ESRRG: variants seen among roughly 807,000 people sequenced by gnomAD.
The protein encoded by ESRRG is estrogen-related receptor gamma.
A neutral mutation model predicts 44.0 loss-of-function variants in ESRRG; 13 were observed. That is an observed-to-expected ratio of 0.30 (90% confidence interval 0.19 to 0.47). ESRRG has a LOEUF of 0.47. ESRRG is among the 20% of genes least tolerant of loss of function. ESRRG has a pLI of 1.00. For synonymous variants in ESRRG, 215 were observed against 214.6 expected (o/e 1.00, Z -0.02); for missense variants, 395 against 580.6 (o/e 0.68, Z 3.29).
chr1:216,920,997 C>T (rs2061769825), intron 2 of ESRRG, among the ~76,000 whole-genome samples: 1 of 152,298 alleles, frequency 6.6e-6, no homozygotes, highest in East Asian at 1.9e-4. Flanking sequence ...TGACCTCAAG[C>T]AGTTTTACCC....
intron 2 of ESRRG, among the ~76,000 whole-genome samples, chr1:216,779,808 G>A (rs2093857095): frequency 6.6e-6 from 1 of 151,256 alleles, no homozygotes; most frequent in South Asian, 2.1e-4. Context: ...TAAAAGGTTA[G>A]GATTTGGTAT....
chr1:216,696,979 T>A (rs1313015332), intron 1 of ESRRG, among the ~76,000 whole-genome samples: 1 of 152,078 alleles, frequency 6.6e-6, no homozygotes, highest in African/African-American at 2.4e-5. Flanking sequence ...TCTTTTTTTT[T>A]TTTTGAGACA....
chr1:216,510,163 C>T (rs757474973), intron 6 of ESRRG, among the ~76,000 whole-genome samples: 1 of 152,018 alleles, frequency 6.6e-6, no homozygotes, highest in Admixed American at 6.5e-5. Flanking sequence ...GATACTGGGC[C>T]CAAGTCTAGA....
At chr1:217,100,263 G>A (rs1015865319) in intron 1 of ESRRG, among the ~76,000 whole-genome samples, 4 of 152,128 alleles carry the variant, frequency 2.6e-5, no homozygotes, top group African/African-American at 9.7e-5. Flanking sequence ...TCATTCCCAA[G>A]CCAACTTGGG....
chr1:216,681,445 C>G (rs571423297), intron 1 of ESRRG, among the ~76,000 whole-genome samples: 3 of 152,150 alleles, frequency 2.0e-5, no homozygotes, highest in South Asian at 4.2e-4. Flanking sequence ...CCTCCCTGCT[C>G]CCCCCACCCG....
intron 1 of ESRRG, among the ~76,000 whole-genome samples, chr1:217,043,215 T>C (rs1470822601): frequency 4.6e-5 from 7 of 152,112 alleles, no homozygotes; most frequent in Non-Finnish European, 1.0e-4. Context: ...TGTAGGGCTA[T>C]CACACCACAT....
chr1:216,514,447 T>A (rs1452018106), intron 6 of ESRRG, among the ~76,000 whole-genome samples: 1 of 152,200 alleles, frequency 6.6e-6, no homozygotes, highest in Non-Finnish European at 1.5e-5. Flanking sequence ...TAAAATGTTA[T>A]AATTTCTTGG....
chr1:217,075,903 C>T (rs752912572), intron 1 of ESRRG, among the ~76,000 whole-genome samples: 1 of 152,140 alleles, frequency 6.6e-6, no homozygotes, highest in African/African-American at 2.4e-5. Flanking sequence ...TTATAACCCT[C>T]ATGCTTTTTC....
intron 2 of ESRRG, among the ~76,000 whole-genome samples, chr1:216,904,655 C>T (rs1375278706): frequency 1.3e-5 from 2 of 152,228 alleles, no homozygotes; most frequent in East Asian, 1.9e-4. Flanking sequence ...AGATGTTCAA[C>T]GAGAAGCCTG....
intron 1 of ESRRG, among the ~76,000 whole-genome samples, chr1:216,963,397 C>A (rs1039324933): frequency 1.3e-4 from 20 of 152,056 alleles, no homozygotes; most frequent in Admixed American, 1.0e-3. Flanking sequence ...TTTGGTGCCA[C>A]CCGGGATAAA....
intron 3 of ESRRG, among the ~76,000 whole-genome samples, chr1:216,644,726 T>G (rs2067183381): frequency 6.6e-6 from 1 of 152,140 alleles, no homozygotes; most frequent in South Asian, 2.1e-4. Flanking sequence ...CATGAGCCAC[T>G]GCGCCTGGCT....
intron 2 of ESRRG, among the ~76,000 whole-genome samples, chr1:216,894,692 C>T (rs746719324): frequency 1.5e-4 from 23 of 152,026 alleles, no homozygotes; most frequent in South Asian, 1.3e-3. Context: ...AGGAAGAGAG[C>T]GATTACTTGC....
chr1:216,946,384 A>G (rs1299798663), intron 1 of ESRRG, among the ~76,000 whole-genome samples: 1 of 152,160 alleles, frequency 6.6e-6, no homozygotes, highest in Non-Finnish European at 1.5e-5. Context: ...AAACCCACAC[A>G]CAACAAAATA....
chr1:216,812,562 G>A (rs2095008675), intron 2 of ESRRG, among the ~76,000 whole-genome samples: 1 of 151,918 alleles, frequency 6.6e-6, no homozygotes, highest in Admixed American at 6.6e-5. Flanking sequence ...GTTTGTTTTT[G>A]GCATTCTTCA....
intron 1 of ESRRG, among the ~76,000 whole-genome samples, chr1:216,947,649 T>A (rs1444183897): frequency 6.6e-6 from 1 of 152,206 alleles, no homozygotes; most frequent in Non-Finnish European, 1.5e-5. Flanking sequence ...AGAGCCAGTT[T>A]ACCAGCACAT....
chr1:217,101,503 C>T (rs374864065), intron 1 of ESRRG, among the ~76,000 whole-genome samples: 2 of 152,186 alleles, frequency 1.3e-5, no homozygotes, highest in East Asian at 1.9e-4. Flanking sequence ...ATCAGCATTT[C>T]AAACTGATAA....
intron 1 of ESRRG, among the ~76,000 whole-genome samples, chr1:216,996,663 T>C (rs12091345): frequency 6.6e-6 from 1 of 152,178 alleles, no homozygotes; most frequent in Non-Finnish European, 1.5e-5. Context: ...GTATGCATTA[T>C]ACTCAAAAAG....
At chr1:217,031,276 A>C (rs1327752866) in intron 1 of ESRRG, among the ~76,000 whole-genome samples, 1 of 152,226 alleles carries the variant, frequency 6.6e-6, no homozygotes, top group African/African-American at 2.4e-5. Context: ...GTACTACAGT[A>C]ATACCCAAGT....
chr1:217,003,837 A>G (rs1430224371), intron 1 of ESRRG, among the ~76,000 whole-genome samples: 1 of 151,924 alleles, frequency 6.6e-6, no homozygotes, highest in East Asian at 1.9e-4. Flanking sequence ...TGTAATTTCA[A>G]TGTCCAGATG....
Sources: gnomAD v4.1 joint callset for allele counts (sites outside exome capture counted in the v4.1 genomes callset) on GRCh38, gnomAD v4.1.1 for gene constraint, MANE v1.5 for transcripts, NCBI Gene and HGNC (gene_info 2026-07-23, HGNC 2026-07-21) for gene names.